OR51C1: variants seen among roughly 807,000 people sequenced by gnomAD.
The protein encoded by OR51C1 is olfactory receptor family 51 subfamily C member 1.
At chr11:4,691,487 G>A in the OR51C1 span, 1 of 456,422 alleles carries the variant, frequency 2.2e-6, no homozygotes, top group Non-Finnish European at 4.4e-6. Context: ...ACAGGCCGAG[G>A]TCAGTGGCGG....
chr11:4,692,537 A>C, the OR51C1 span, among the ~76,000 whole-genome samples: 1 of 152,252 alleles, frequency 6.6e-6, no homozygotes, highest in South Asian at 2.1e-4. Context: ...CGGAGGGAAA[A>C]ATATAACTTT....
At chr11:4,695,073 T>C in the OR51C1 span, among the ~76,000 whole-genome samples, 3 of 152,156 alleles carry the variant, frequency 2.0e-5, no homozygotes, top group African/African-American at 7.2e-5. Context: ...GGCTAGGTGC[T>C]GTGGGAAATG....
chr11:4,696,195 G>A, the OR51C1 span, among the ~76,000 whole-genome samples: 1 of 152,056 alleles, frequency 6.6e-6, no homozygotes, highest in African/African-American at 2.4e-5. Flanking sequence ...TACCCCTGAG[G>A]GACATCTCTA....
chr11:4,691,572 T>C, the OR51C1 span: 8 of 456,694 alleles, frequency 1.8e-5, no homozygotes, highest in African/African-American at 1.4e-4. Context: ...GATCAGGCTG[T>C]TTCCCAAGAG....
the OR51C1 span, chr11:4,690,793 C>A: frequency 9.5e-6 from 4 of 423,086 alleles, no homozygotes; most frequent in African/African-American, 6.2e-5. Flanking sequence ...TTTATCACAG[C>A]TCTACGTATC....
the OR51C1 span, among the ~76,000 whole-genome samples, chr11:4,694,475 CATATATATACGTGTATAT>C: frequency 0.028 from 4,193 of 150,596 alleles, 173 homozygotes; most frequent in East Asian, 0.22. Flanking sequence ...CTAAACTATA[CATATATATACGTGTATAT>C]ATATATATAC....
chr11:4,690,998 C>T, the OR51C1 span: 4 of 454,934 alleles, frequency 8.8e-6, no homozygotes, highest in South Asian at 4.7e-5. Flanking sequence ...TTTCCTTCCT[C>T]TCTTCTGGGG....
the OR51C1 span, among the ~76,000 whole-genome samples, chr11:4,694,798 G>A: frequency 1.3e-5 from 2 of 152,138 alleles, no homozygotes; most frequent in Admixed American, 1.3e-4. Flanking sequence ...ATAATAGTGT[G>A]GAGTGGCAGA....
the OR51C1 span, chr11:4,697,545 A>G: frequency 6.6e-6 from 1 of 152,656 alleles, no homozygotes; most frequent in Non-Finnish European, 1.5e-5. Context: ...CCACCATACC[A>G]ACATCTAATC....
the OR51C1 span, among the ~76,000 whole-genome samples, chr11:4,694,399 T>C: frequency 6.6e-6 from 1 of 151,976 alleles, no homozygotes; most frequent in African/African-American, 2.4e-5. Context: ...CCTTATTCTT[T>C]TTCCTAGCCA....
chr11:4,696,405 T>C, the OR51C1 span, among the ~76,000 whole-genome samples: 1 of 152,052 alleles, frequency 6.6e-6, no homozygotes, highest in Admixed American at 6.6e-5. Flanking sequence ...CTCTCTCTCA[T>C]CCCTTACATA....
chr11:4,697,383 A>G, the OR51C1 span, among the ~76,000 whole-genome samples: 2 of 152,252 alleles, frequency 1.3e-5, no homozygotes, highest in Non-Finnish European at 2.9e-5. Flanking sequence ...CATAGAAATG[A>G]GATTCACTGA....
At chr11:4,696,912 C>T in the OR51C1 span, among the ~76,000 whole-genome samples, 4 of 151,914 alleles carry the variant, frequency 2.6e-5, no homozygotes, top group Admixed American at 2.6e-4. Context: ...CAGATTCTTG[C>T]TCAAACACTA....
chr11:4,691,104 A>G, the OR51C1 span: 9 of 456,618 alleles, frequency 2.0e-5, no homozygotes, highest in East Asian at 4.9e-4. Flanking sequence ...AGTCAGCCCA[A>G]CTGCACTGTT....
At chr11:4,697,711 C>T in the OR51C1 span, 3 of 152,668 alleles carry the variant, frequency 2.0e-5, no homozygotes, top group African/African-American at 4.8e-5. Flanking sequence ...GCTGAGGAGG[C>T]TTTAGATTCC....
chr11:4,695,226 G>A, the OR51C1 span, among the ~76,000 whole-genome samples: 1 of 152,146 alleles, frequency 6.6e-6, no homozygotes, highest in Non-Finnish European at 1.5e-5. Flanking sequence ...GAAGCAAGGA[G>A]CTTTGCTTTT....
chr11:4,693,861 A>G, the OR51C1 span, among the ~76,000 whole-genome samples: 1 of 152,226 alleles, frequency 6.6e-6, no homozygotes, highest in African/African-American at 2.4e-5. Context: ...AAAGGACAAC[A>G]CAAATAAAAC....
the OR51C1 span, among the ~76,000 whole-genome samples, chr11:4,693,630 A>G: frequency 1.3e-5 from 2 of 152,176 alleles, no homozygotes; most frequent in South Asian, 4.2e-4. Flanking sequence ...CTGAGGCAGG[A>G]GAATGGAGTG....
the OR51C1 span, among the ~76,000 whole-genome samples, chr11:4,694,563 T>C: frequency 2.2e-5 from 2 of 92,200 alleles, no homozygotes; most frequent in African/African-American, 3.6e-5. Flanking sequence ...CACACACACA[T>C]ACATATATAT....
Sources: allele counts gnomAD v4.1 joint callset (sites outside exome capture counted in the v4.1 genomes callset), GRCh38; gene constraint gnomAD v4.1.1; transcripts MANE v1.5; gene names NCBI Gene and HGNC (gene_info 2026-07-23, HGNC 2026-07-21).